Variants in UTP20 observed in about 807,000 individuals in gnomAD.
The protein encoded by UTP20 is UTP20 small subunit processome component, also known as small subunit processome component 20 homolog.
Under a neutral mutation model 329.5 loss-of-function variants are expected in UTP20, and 164 were observed. The ratio of observed to expected loss-of-function variants is 0.50; its 90% CI spans 0.44 to 0.57. UTP20 has a LOEUF of 0.57. Ranked by LOEUF, UTP20 falls within the 20% of genes least tolerant of loss-of-function variation. The probability of loss-of-function intolerance (pLI) is 0.00; values close to 1 mark genes in which losing one functional copy is unlikely to be tolerated. For synonymous variants in UTP20, 1,151 were observed against 1,159.3 expected (o/e 0.99, Z 0.14); for missense variants, 3,055 against 3,284.2 (o/e 0.93, Z 1.71).
At chr12:101,300,092 C>G in intron 14 of UTP20, 31 bp downstream of exon 14, 1 of 1,593,490 alleles carries the variant, frequency 6.3e-7, no homozygotes, top group Middle Eastern at 1.7e-4. Context: ...GTTCTCTTCT[C>G]TTCTTTTCTG....
intron 40 of UTP20, 64 bp downstream of exon 40, chr12:101,353,193 A>T (rs1272488629): frequency 4.1e-5 from 47 of 1,154,178 alleles, no homozygotes; most frequent in Non-Finnish European, 1.3e-6. Context: ...TATGGTAATT[A>T]ATTAAAGATG....
chr12:101,313,431 C>G (rs962882155), intron 21 of UTP20, among the ~76,000 whole-genome samples: 3 of 151,802 alleles, frequency 2.0e-5, no homozygotes, highest in African/African-American at 4.8e-5. Context: ...AAATGAGAAG[C>G]CATTTGGAGG....
intron 43 of UTP20, among the ~76,000 whole-genome samples, chr12:101,358,503 TATC>T (rs1869801405): frequency 1.3e-5 from 2 of 152,216 alleles, no homozygotes. Flanking sequence ...TTCTTTCTAA[TATC>T]ATTTTGCCGT....
intron 25 of UTP20, chr12:101,326,875 C>A: frequency 2.2e-6 from 1 of 459,364 alleles, no homozygotes; most frequent in Non-Finnish European, 3.8e-6. Context: ...AGGCACGTAG[C>A]ACTGCACCCA....
intron 11 of UTP20, among the ~76,000 whole-genome samples, chr12:101,294,062 G>A (rs1273156618): frequency 1.3e-5 from 2 of 151,756 alleles, no homozygotes; most frequent in Non-Finnish European, 2.9e-5. Context: ...TAGAGACGGA[G>A]TCTCACTCTG....
chr12:101,291,947 TG>T (rs1280598997), intron 9 of UTP20, 22 bp from the exon 10 acceptor site: 1 of 1,610,240 alleles, frequency 6.2e-7, no homozygotes, highest in Admixed American at 1.7e-5. Flanking sequence ...TTGCTGAGTA[TG>T]CATTGTTTTT....
intron 25 of UTP20, among the ~76,000 whole-genome samples, chr12:101,325,672 A>T (rs552751542): frequency 6.6e-6 from 1 of 152,352 alleles, no homozygotes; most frequent in East Asian, 1.9e-4. Context: ...TGAGTATTTG[A>T]TGTACAAGCT....
intron 11 of UTP20, among the ~76,000 whole-genome samples, chr12:101,294,743 A>G (rs1872293549): frequency 6.6e-6 from 1 of 151,784 alleles, no homozygotes; most frequent in Admixed American, 6.6e-5. Flanking sequence ...GGGTTTTACC[A>G]TGTTGGCCAG....
intron 38 of UTP20, among the ~76,000 whole-genome samples, chr12:101,349,733 T>TC (rs1869454541): frequency 6.6e-6 from 1 of 152,170 alleles, no homozygotes; most frequent in East Asian, 1.9e-4. Flanking sequence ...GAGCCACTGT[T>TC]CCCAGCCAAA....
At chr12:101,297,877 TTAAA>T (rs958014141) in intron 12 of UTP20, among the ~76,000 whole-genome samples, 19 of 152,272 alleles carry the variant, frequency 1.2e-4, no homozygotes, top group East Asian at 9.7e-4. Context: ...GGGTGACGTG[TTAAA>T]TAAATAAATT....
intron 5 of UTP20, among the ~76,000 whole-genome samples, chr12:101,286,751 C>T (rs941693569): frequency 6.6e-6 from 1 of 152,052 alleles, no homozygotes; most frequent in African/African-American, 2.4e-5. Context: ...ACAGCCTCCA[C>T]AAACAGGCAC....
At chr12:101,372,846 G>A in intron 51 of UTP20, 38 bp from the exon 52 acceptor site, 1 of 1,537,254 alleles carries the variant, frequency 6.5e-7, no homozygotes, top group Non-Finnish European at 9.0e-7. Flanking sequence ...TACTAGAGGT[G>A]AGATCCAAAT....
Position 101,373,679 on chromosome 12 carries a change from T to C in UTP20, c.7043T>C (p.Met2348Thr). The change falls in exon 54 of 62, where the codon ATG (methionine) becomes ACG (threonine). Residue 2348 changes from methionine (M) to threonine (T), a missense_variant. By Grantham distance (81) the Met-to-Thr change is moderately conservative. Transcript: ENST00000261637. Reference sequence around the variant, plus strand: ...GCCACGTGCAAAAAGATGGCATCCATGACAATCAAGTCCCTACTTGGTAAA... The same window carrying C: ...GCCACGTGCAAAAAGATGGCATCCACGACAATCAAGTCCCTACTTGGTAAA... ...DSATCKKMAS[M>T]TIKSLLGKIS... is the part of the protein sequence containing the mutation. 6.2e-7 allele frequency: 1 copy of C among 1,613,268 alleles called. No homozygotes were observed. The highest frequency in any genetic ancestry group is 1.1e-5 in the South Asian group (1 of 90,712).
intron 14 of UTP20, among the ~76,000 whole-genome samples, chr12:101,301,112 T>C (rs1872510295): frequency 6.6e-6 from 1 of 152,216 alleles, no homozygotes; most frequent in African/African-American, 2.4e-5. Context: ...GCAGTCCATA[T>C]AGAAACAGGC....
intron 38 of UTP20, among the ~76,000 whole-genome samples, chr12:101,347,882 G>T (rs1398985611): frequency 6.6e-6 from 1 of 152,176 alleles, no homozygotes; most frequent in Admixed American, 6.5e-5. Context: ...AGGCTGGAGT[G>T]CAGTAGCGTG....
chr12:101,303,386 G>A (rs1872573530), intron 15 of UTP20, among the ~76,000 whole-genome samples: 2 of 152,210 alleles, frequency 1.3e-5, no homozygotes, highest in South Asian at 4.1e-4. Context: ...GATAGGGAGA[G>A]TCCAGAGGTG....
At position 101,369,794 on chromosome 12, in the gene UTP20, A is replaced by G. The variant is rs779125530; in HGVS notation, c.6458A>G (p.Glu2153Gly). The G allele has an allele frequency of 2.5e-6, 4 of 1,612,828 alleles. No homozygotes were observed. In the Admixed American group the frequency reaches 6.7e-5, roughly 27 times the overall value. Residue 2153 changes from glutamate (E) to glycine (G), a missense_variant, in exon 49 of 62, where the codon GAG (glutamate) becomes GGG (glycine). Physicochemically the swap from Glu to Gly is moderately conservative, Grantham distance 98. Around this residue, in one of 3 missense-constraint regions of UTP20, gnomAD observed 2,445 missense variants for 2,575.5 expected, o/e 0.95. Coordinates refer to ENST00000261637, the MANE Select transcript of UTP20 (RefSeq NM_014503.3). ...CTACCTTCCATAGAAACAAAAGCAGAGCAGCTGACAAAACACCTCTTCCTT... is the reference window on the plus strand; with the variant it reads ...CTACCTTCCATAGAAACAAAAGCAGGGCAGCTGACAAAACACCTCTTCCTT... ...FPLPSIETKA[E>G]QLTKHLFLLL...
At position 101,386,179 on chromosome 12, in the gene UTP20, A is replaced by T; in HGVS notation, c.*56A>T. ...TTCTGGAATATTCTGCTAGTCTGAA[A>T]TTACAGTAGGTTGTCTGGGGTAGGG... is the stretch of plus-strand genomic sequence containing the variant. On this transcript the variant is annotated 3_prime_UTR_variant, in exon 62 of 62. Transcript: ENST00000261637. 1 of 1,504,124 alleles carries T rather than the reference A, an allele frequency of 6.6e-7. No homozygotes were observed. Among genetic ancestry groups the T allele is most frequent in the Non-Finnish European group, 9.0e-7 (1 of 1,113,612 alleles). 93.2% of individuals were successfully genotyped at this position (1,504,124 alleles called of 1,614,324 possible). A position where few individuals can be genotyped will look rare whatever the true frequency, so the allele number is the denominator to read the frequency against.
intron 26 of UTP20, 51 bp downstream of exon 26, chr12:101,327,298 C>T: frequency 6.8e-7 from 1 of 1,463,388 alleles, no homozygotes; most frequent in East Asian, 2.4e-5. Flanking sequence ...CGGTGGACTT[C>T]TCACATCTCA....
Sources: gnomAD v4.1 joint callset for allele counts (sites outside exome capture counted in the v4.1 genomes callset) on GRCh38, gnomAD v4.1.1 for gene constraint, gnomAD v4.1.1 regional missense constraint, MANE v1.5 for transcripts, NCBI Gene and HGNC (gene_info 2026-07-23, HGNC 2026-07-21) for gene names.